Variants in MGAT4C observed in about 807,000 individuals in gnomAD.
MGAT4C encodes the protein alpha-1,3-mannosyl-glycoprotein 4-beta-N-acetylglucosaminyltransferase C.
A neutral mutation model predicts 40.1 loss-of-function variants in MGAT4C; 19 were observed. That is an observed-to-expected ratio of 0.47 (90% confidence interval 0.33 to 0.70). MGAT4C has a LOEUF of 0.70. MGAT4C is among the 30% of genes least tolerant of loss of function. The pLI is 0.02. For synonymous variants in MGAT4C, 181 were observed against 187.1 expected (o/e 0.97, Z 0.27); for missense variants, 491 against 563.2 (o/e 0.87, Z 1.30).
At chr12:86,681,037 T>G (rs1232804415) in intron 2 of MGAT4C, among the ~76,000 whole-genome samples, 1 of 151,968 alleles carries the variant, frequency 6.6e-6, no homozygotes, top group Non-Finnish European at 1.5e-5. Flanking sequence ...TTAGCATACT[T>G]ACTTAAATAA....
chr12:86,293,432 T>TA (rs1196846538), intron 4 of MGAT4C, among the ~76,000 whole-genome samples: 2 of 152,142 alleles, frequency 1.3e-5, no homozygotes, highest in Non-Finnish European at 2.9e-5. Context: ...TTTCTGTTTT[T>TA]AAAAAAATAA....
chr12:86,061,263 A>G (rs996184713), intron 1 of MGAT4C, among the ~76,000 whole-genome samples: 12 of 152,024 alleles, frequency 7.9e-5, no homozygotes, highest in Admixed American at 5.2e-4. Context: ...GGGGTTGGGG[A>G]ATTCTCTCTC....
chr12:86,769,388 G>A (rs1951585487), intron 1 of MGAT4C, among the ~76,000 whole-genome samples: 1 of 152,114 alleles, frequency 6.6e-6, no homozygotes, highest in Admixed American at 6.6e-5. Context: ...AGGATGTGGA[G>A]ACATAGGAAC....
intron 2 of MGAT4C, among the ~76,000 whole-genome samples, chr12:86,625,039 G>A: frequency 6.6e-6 from 1 of 152,028 alleles, no homozygotes. Context: ...GTGATAGTGA[G>A]TGAGTTCTCA....
intron 1 of MGAT4C, among the ~76,000 whole-genome samples, chr12:86,798,669 G>C (rs1264332986): frequency 1.3e-5 from 2 of 151,762 alleles, no homozygotes; most frequent in African/African-American, 4.8e-5. Context: ...CAATATATGT[G>C]AAAAATGAAT....
intron 2 of MGAT4C, among the ~76,000 whole-genome samples, chr12:86,708,428 C>A (rs879654857): frequency 2.0e-5 from 3 of 152,206 alleles, no homozygotes; most frequent in East Asian, 1.9e-4. Flanking sequence ...AGAATGCCTG[C>A]TGGGCAGTGC....
intron 1 of MGAT4C, among the ~76,000 whole-genome samples, chr12:86,216,702 T>G (rs1003996314): frequency 2.0e-5 from 3 of 152,236 alleles, no homozygotes; most frequent in Non-Finnish European, 4.4e-5. Flanking sequence ...AATCAGGTAT[T>G]CTGTTAGAAA....
At chr12:86,155,150 G>T (rs2135781963) in intron 1 of MGAT4C, among the ~76,000 whole-genome samples, 1 of 152,300 alleles carries the variant, frequency 6.6e-6, no homozygotes, top group East Asian at 1.9e-4. Flanking sequence ...GGAAGAGCTA[G>T]GAGAATTTAG....
At chr12:86,239,115 G>A (rs1275113116) in intron 1 of MGAT4C, among the ~76,000 whole-genome samples, 1 of 151,996 alleles carries the variant, frequency 6.6e-6, no homozygotes, top group Admixed American at 6.6e-5. Context: ...TAGGAAATGT[G>A]TAATAGCAAC....
At chr12:86,723,188 G>T (rs921832972) in intron 2 of MGAT4C, among the ~76,000 whole-genome samples, 1 of 152,074 alleles carries the variant, frequency 6.6e-6, no homozygotes, top group Non-Finnish European at 1.5e-5. Context: ...TTTCATCGTT[G>T]TTCCTCAGAA....
intron 1 of MGAT4C, among the ~76,000 whole-genome samples, chr12:86,086,692 T>A (rs1234808418): frequency 6.6e-6 from 1 of 152,050 alleles, no homozygotes; most frequent in East Asian, 1.9e-4. Flanking sequence ...CCAATTCCAC[T>A]CTTTTAGTTT....
At chr12:86,412,578 T>C (rs905266591) in intron 3 of MGAT4C, among the ~76,000 whole-genome samples, 3 of 152,218 alleles carry the variant, frequency 2.0e-5, no homozygotes, top group Admixed American at 2.0e-4. Flanking sequence ...TGTACCCACA[T>C]TGTATCTTGG....
intron 1 of MGAT4C, among the ~76,000 whole-genome samples, chr12:86,144,936 T>G (rs1883318275): frequency 6.6e-6 from 1 of 152,068 alleles, no homozygotes; most frequent in Non-Finnish European, 1.5e-5. Flanking sequence ...CATTTCACAT[T>G]TTGCTTCAGC....
intron 1 of MGAT4C, among the ~76,000 whole-genome samples, chr12:86,182,782 G>A (rs1888269966): frequency 6.6e-6 from 1 of 152,074 alleles, no homozygotes; most frequent in Non-Finnish European, 1.5e-5. Flanking sequence ...TATGAAGAAG[G>A]AAGTTAGTAT....
At chr12:86,051,291 G>C (rs930173969) in intron 1 of MGAT4C, among the ~76,000 whole-genome samples, 1 of 151,832 alleles carries the variant, frequency 6.6e-6, no homozygotes, top group Admixed American at 6.6e-5. Context: ...ATTTTAACAG[G>C]ATCTGATTTT....
intron 1 of MGAT4C, among the ~76,000 whole-genome samples, chr12:86,248,128 A>T (rs1490174181): frequency 6.6e-6 from 1 of 152,006 alleles, no homozygotes; most frequent in African/African-American, 2.4e-5. Context: ...TACATGTCTT[A>T]TTTGCTCTTT....
chr12:85,965,712 A>G lies in MGAT4C; in HGVS notation c.*13577T>C, dbSNP rs1317906362. On this transcript the variant is annotated 3_prime_UTR_variant, in exon 5 of 5. Transcript: ENST00000611864. The stretch of plus-strand genomic sequence containing the variant: ...TTCATGAAGTGATCAATTGAATTTG[A>G]AACAGAACTTTTCCTAGCTTCTAAA... 1.3e-5 allele frequency: 2 copies of G among 152,098 alleles called. No homozygotes were observed. The highest frequency in any genetic ancestry group is 4.8e-5 in the African/African-American group (2 of 41,430). The allele number at this position is 152,098 out of a possible 1,614,324, so 9.4% of individuals were successfully genotyped here. A position where few individuals can be genotyped will look rare whatever the true frequency, so the allele number is the denominator to read the frequency against.
rs906238540 is a variant in MGAT4C, at chr12:86,532,527, T to C, written c.-228-97262A>G. On this transcript the variant is annotated intron_variant, in intron 2 of 7. Transcript: ENST00000548651. ...TGCAGGTCAAAGGCCAAAGACAATGTTGGTGAGTTAAAAGGCAAAAAGGCA... is the reference window on the plus strand; with the variant it reads ...TGCAGGTCAAAGGCCAAAGACAATGCTGGTGAGTTAAAAGGCAAAAAGGCA... Among the ~76,000 whole-genome samples, 110 of 152,104 alleles carry C rather than the reference T, an allele frequency of 7.2e-4. 1 individual carries two copies. Among genetic ancestry groups the C allele is most frequent in the African/African-American group, 2.6e-3 (107 of 41,548 alleles).
chr12:86,722,412 G>A (rs904920429), intron 2 of MGAT4C, among the ~76,000 whole-genome samples: 2 of 152,068 alleles, frequency 1.3e-5, no homozygotes, highest in African/African-American at 4.8e-5. Context: ...TTCTATTGTG[G>A]GGCCTTTTCT....
Sources: gnomAD v4.1 joint callset for allele counts (sites outside exome capture counted in the v4.1 genomes callset) on GRCh38, gnomAD v4.1.1 for gene constraint, MANE v1.5 for transcripts, NCBI Gene and HGNC (gene_info 2026-07-23, HGNC 2026-07-21) for gene names.